The following CREB5 variants were observed in gnomAD, a reference collection of about 807,000 sequenced individuals.
CREB5 encodes cAMP responsive element binding protein 5.
CREB5 carries 19 observed loss-of-function variants against 57.1 expected under a neutral mutation model. The observed-to-expected ratio is 0.33, with a 90% CI of 0.23 to 0.49. The LOEUF is 0.49. Ranked by LOEUF, CREB5 falls within the 20% of genes least tolerant of loss-of-function variation. CREB5 has a pLI of 0.99. For synonymous variants in CREB5, 238 were observed against 238.3 expected, an observed-to-expected ratio of 1.00 and a Z score of 0.01; for missense variants, 579 against 671.6, an observed-to-expected ratio of 0.86 and a Z score of 1.52.
At chr7:28,333,461 C>G (rs935182807) in intron 1 of CREB5, among the ~76,000 whole-genome samples, 12 of 152,120 alleles carry the variant, frequency 7.9e-5, no homozygotes, top group African/African-American at 2.9e-4. Context: ...ACGTAGTCAC[C>G]TTGCTGTGCT....
intron 1 of CREB5, among the ~76,000 whole-genome samples, chr7:28,352,802 A>G (rs1174508749): frequency 2.6e-5 from 4 of 152,226 alleles, no homozygotes; most frequent in Non-Finnish European, 2.9e-5. Flanking sequence ...GGCTATCATT[A>G]TCTCCATTTT....
At chr7:28,673,809 G>T (rs56175104) in intron 5 of CREB5, among the ~76,000 whole-genome samples, 1 of 151,758 alleles carries the variant, frequency 6.6e-6, no homozygotes, top group Non-Finnish European at 1.5e-5. Context: ...AAGTAGCTGA[G>T]ACTACAGGCG....
At chr7:28,686,044 A>T in intron 5 of CREB5, 1 of 1,321,192 alleles carries the variant, frequency 7.6e-7, no homozygotes, top group Non-Finnish European at 1.1e-6. Context: ...AAGAAGGGCC[A>T]GCACATTACA....
chr7:28,328,631 C>T (rs758801839), intron 1 of CREB5, among the ~76,000 whole-genome samples: 6 of 152,104 alleles, frequency 3.9e-5, no homozygotes, highest in Non-Finnish European at 8.8e-5. Context: ...ACGACTCTTC[C>T]AAGTTTAGAG....
chr7:28,672,180 A>ACAC (rs1554283278), intron 5 of CREB5, among the ~76,000 whole-genome samples: 2,430 of 84,364 alleles, frequency 0.029, 79 homozygotes, highest in African/African-American at 0.083. Context: ...TTATGGAAAA[A>ACAC]AAAAAAAAAC....
rs1435407691 is a variant in CREB5 at position 28,318,748 on chromosome 7, T to TA, written c.-25+19308dup. Among the ~76,000 whole-genome samples, 3 of 152,324 alleles carry TA rather than the reference T, an allele frequency of 2.0e-5. No homozygotes were observed. In the East Asian group the frequency reaches 5.8e-4, roughly 29 times the overall value. ...TCTACAGAATGAAATACTAGACTCTTAGAAGAGGCACAGAATATCATCGTA... is the reference window on the plus strand; with the variant it reads ...TCTACAGAATGAAATACTAGACTCTTAAGAAGAGGCACAGAATATCATCGTA... On this transcript the variant is annotated intron_variant, in intron 1 of 9. Transcript: ENST00000396299.
chr7:28,761,724 A>ATGTGTG (rs3831526), intron 7 of CREB5, among the ~76,000 whole-genome samples: 88 of 146,148 alleles, frequency 6.0e-4, no homozygotes, highest in South Asian at 4.6e-3. Context: ...GATGTGAGGG[A>ATGTGTG]TGTGTGTGTG....
chr7:28,413,029 T>G (rs1787867843), intron 1 of CREB5, 112 bp downstream of exon 1: 6 of 1,021,814 alleles, frequency 5.9e-6, no homozygotes, highest in Middle Eastern at 6.2e-4. Context: ...GTTTAGATTT[T>G]GCACAAAATT....
chr7:28,439,097 A>G (rs1380620257), intron 1 of CREB5, among the ~76,000 whole-genome samples: 1 of 152,124 alleles, frequency 6.6e-6, no homozygotes, highest in Non-Finnish European at 1.5e-5. Context: ...AAACCGAACC[A>G]AACCAAAACA....
At chr7:28,691,834 A>T (rs529606781) in intron 5 of CREB5, among the ~76,000 whole-genome samples, 1 of 152,220 alleles carries the variant, frequency 6.6e-6, no homozygotes, top group East Asian at 1.9e-4. Flanking sequence ...CATGTGCCTG[A>T]CAGAAAATAG....
At chr7:28,600,049 C>T (rs538321997) in intron 5 of CREB5, among the ~76,000 whole-genome samples, 28 of 152,146 alleles carry the variant, frequency 1.8e-4, no homozygotes, top group Admixed American at 1.8e-3. Flanking sequence ...TGAGGGTGGA[C>T]AGCAGCACTT....
chr7:28,750,195 C>G (rs776179989), intron 7 of CREB5, among the ~76,000 whole-genome samples: 1 of 151,972 alleles, frequency 6.6e-6, no homozygotes, highest in Non-Finnish European at 1.5e-5. Flanking sequence ...ATGAGCCCAG[C>G]CCCCAGCCCC....
chr7:28,543,243 AAAGTTTC>A (rs1794277217), intron 4 of CREB5, among the ~76,000 whole-genome samples: 1 of 152,222 alleles, frequency 6.6e-6, no homozygotes, highest in African/African-American at 2.4e-5. Context: ...AATGAAAAGT[AAAGTTTC>A]CTTTCCTTCT....
intron 5 of CREB5, among the ~76,000 whole-genome samples, chr7:28,694,112 T>C (rs1198140949): frequency 6.6e-6 from 1 of 152,238 alleles, no homozygotes; most frequent in Non-Finnish European, 1.5e-5. Context: ...TTAGATGGCA[T>C]AGAGTAACTT....
chr7:28,326,195 AT>A (rs1486805193), intron 1 of CREB5, among the ~76,000 whole-genome samples: 26 of 149,894 alleles, frequency 1.7e-4, no homozygotes, highest in East Asian at 7.7e-4. Context: ...CTATCTATCT[AT>A]CTATCTATCT....
chr7:28,574,795 A>G (rs1012653893), intron 5 of CREB5, among the ~76,000 whole-genome samples: 3 of 152,224 alleles, frequency 2.0e-5, no homozygotes, highest in Non-Finnish European at 2.9e-5. Context: ...ACTCAGAAAT[A>G]TGTTCAACAG....
chr7:28,774,768 A>G (rs1312161798), intron 7 of CREB5, among the ~76,000 whole-genome samples: 1 of 152,250 alleles, frequency 6.6e-6, no homozygotes, highest in African/African-American at 2.4e-5. Context: ...ACCATGGGGT[A>G]GCCAAAGCAG....
intron 4 of CREB5, among the ~76,000 whole-genome samples, chr7:28,558,605 G>A (rs967063423): frequency 6.6e-6 from 1 of 152,184 alleles, no homozygotes; most frequent in Non-Finnish European, 1.5e-5. Flanking sequence ...CCAGGCAAGG[G>A]AGTTTTCAAG....
rs1795691606 is a variant in CREB5 at position 28,571,262 on chromosome 7, G to A, written c.464+725G>A. Among the ~76,000 whole-genome samples the A allele has an allele frequency of 2.0e-5, 3 of 152,030 alleles. No individual in the cohort carries two copies. The South Asian group carries it at 6.2e-4, about 32-fold the overall frequency. On this transcript the variant is annotated intron_variant, in intron 5 of 10. Transcript: ENST00000357727. The stretch of plus-strand genomic sequence containing the variant: ...CTGGAATTTTCCTTTTAATATTTTT[G>A]GACCACGATTAACTGAAACTGTAGA...
Sources: gnomAD v4.1 joint callset for allele counts (sites outside exome capture counted in the v4.1 genomes callset) on GRCh38, gnomAD v4.1.1 for gene constraint, MANE v1.5 for transcripts, NCBI Gene and HGNC (gene_info 2026-07-23, HGNC 2026-07-21) for gene names.